Variants in PTPRD observed in about 807,000 individuals in gnomAD.
PTPRD encodes the protein protein tyrosine phosphatase receptor type D, also known as receptor-type tyrosine-protein phosphatase delta.
Under a neutral mutation model 214.5 loss-of-function variants are expected in PTPRD, and 34 were observed. The ratio of observed to expected loss-of-function variants is 0.16; its 90% confidence interval spans 0.12 to 0.21. The LOEUF is 0.21. Ranked by LOEUF, PTPRD falls within the 10% of genes least tolerant of loss-of-function variation. PTPRD has a pLI of 1.00. For missense variants in PTPRD, 2,545 were observed against 2,398.7 expected, an observed-to-expected ratio of 1.06 and a Z score of -1.27; for synonymous variants, 1,128 against 845.7, an observed-to-expected ratio of 1.33 and a Z score of -5.79.
intron 3 of PTPRD, among the ~76,000 whole-genome samples, chr9:10,288,791 G>A (rs1195789784): frequency 6.8e-6 from 1 of 146,950 alleles, no homozygotes; most frequent in Non-Finnish European, 1.5e-5. Flanking sequence ...GCCCAGATTA[G>A]AATTGGAAAA....
intron 9 of PTPRD, among the ~76,000 whole-genome samples, chr9:9,217,512 C>T (rs534442966): frequency 3.3e-5 from 5 of 152,128 alleles, no homozygotes; most frequent in Non-Finnish European, 4.4e-5. Flanking sequence ...GCACAACCAG[C>T]ATCCTCTCAT....
chr9:10,301,237 C>T (rs571201714), intron 3 of PTPRD, among the ~76,000 whole-genome samples: 30 of 152,190 alleles, frequency 2.0e-4, no homozygotes, highest in East Asian at 9.7e-4. Context: ...ACAAAAGGGA[C>T]GTCCACTCAG....
At chr9:8,609,989 C>T (rs1212893713) in intron 14 of PTPRD, among the ~76,000 whole-genome samples, 1 of 152,176 alleles carries the variant, frequency 6.6e-6, no homozygotes, top group African/African-American at 2.4e-5. Context: ...CACTGTAGCT[C>T]AGGCTCCCTA....
intron 35 of PTPRD, among the ~76,000 whole-genome samples, chr9:8,417,654 T>G (rs1204167964): frequency 6.6e-6 from 1 of 152,132 alleles, no homozygotes; most frequent in Non-Finnish European, 1.5e-5. Flanking sequence ...AGTATAGCAG[T>G]TGTCATCCTG....
chr9:10,599,173 G>C (rs924284349), intron 2 of PTPRD, among the ~76,000 whole-genome samples: 6 of 151,590 alleles, frequency 4.0e-5, no homozygotes, highest in African/African-American at 1.5e-4. Flanking sequence ...CATTCCCTAG[G>C]TGATGATCGA....
intron 9 of PTPRD, among the ~76,000 whole-genome samples, chr9:9,309,342 C>CAA (rs143235291): frequency 6.0e-5 from 9 of 150,606 alleles, no homozygotes; most frequent in Non-Finnish European, 1.2e-4. Flanking sequence ...AAACCAACAA[C>CAA]AAAAAAAACA....
At position 8,993,308 on chromosome 9, in the gene PTPRD, T is replaced by C. The variant is rs530723573; in HGVS notation, c.-104+25389A>G. 2.6e-5 allele frequency among the ~76,000 whole-genome samples: 4 copies of C among 152,232 alleles called. No homozygotes were observed. In the South Asian group the frequency reaches 8.3e-4, roughly 32 times the overall value. On this transcript the variant is annotated intron_variant, in intron 11 of 45. Coordinates refer to ENST00000381196, the MANE Select transcript of PTPRD (RefSeq NM_002839.4). ...AGAATGAGTTTAATAACAGTATCTA[T>C]CTCTTACTGTTGTTTTGGAAATTTA...
chr9:9,364,329 C>T (rs565562694), intron 9 of PTPRD, among the ~76,000 whole-genome samples: 1 of 151,340 alleles, frequency 6.6e-6, no homozygotes, highest in Non-Finnish European at 1.5e-5. Context: ...AGAATTTTCC[C>T]CCGAAGTGCT....
chr9:10,245,305 G>A (rs1220199958), intron 3 of PTPRD, among the ~76,000 whole-genome samples: 2 of 152,044 alleles, frequency 1.3e-5, no homozygotes, highest in African/African-American at 2.4e-5. Context: ...AGTAACCTGA[G>A]GTTATAAGGT....
At position 10,108,623 on chromosome 9, in the gene PTPRD, C is replaced by CA. The variant is rs539666772; in HGVS notation, c.-544-74834dup. On this transcript the variant is annotated intron_variant, in intron 3 of 45. Coordinates refer to ENST00000381196, the MANE Select transcript of PTPRD (RefSeq NM_002839.4). ...GCAATCCTACTGCTGGGTATTTATCCAAAAAAATATAAAATCAATATGTTG... is the reference window on the plus strand; with the variant it reads ...GCAATCCTACTGCTGGGTATTTATCCAAAAAAAATATAAAATCAATATGTTG... Among the ~76,000 whole-genome samples, 798 of 151,764 alleles carry CA rather than the reference C, an allele frequency of 5.3e-3. 12 individuals are homozygous for CA. Among genetic ancestry groups the CA allele is most frequent in the African/African-American group, 0.019 (771 of 41,364 alleles).
At chr9:9,829,332 A>C (rs1052785444) in intron 5 of PTPRD, among the ~76,000 whole-genome samples, 1 of 151,824 alleles carries the variant, frequency 6.6e-6, no homozygotes, top group Non-Finnish European at 1.5e-5. Flanking sequence ...ATCTGTGATA[A>C]ATATATCAAA....
In PTPRD at chr9:10,073,053, G is replaced by T. The variant is rs191862115; in HGVS notation, c.-544-39263C>A. 5.9e-5 allele frequency among the ~76,000 whole-genome samples: 9 copies of T among 152,158 alleles called. No homozygotes were observed. The East Asian group carries it at 1.7e-3, about 29-fold the overall frequency. ...TCGATTAATACATTTTGCTAAGTGA[G>T]CCAAACCAGTCCAAAATGGTGACAG... On this transcript the variant is annotated intron_variant, in intron 3 of 45. Transcript: ENST00000381196.
intron 9 of PTPRD, among the ~76,000 whole-genome samples, chr9:9,258,310 A>G (rs1436508983): frequency 1.3e-5 from 2 of 151,972 alleles, no homozygotes; most frequent in African/African-American, 4.8e-5. Context: ...AATTTGCAGT[A>G]GTAGATTATG....
At chr9:8,730,630 G>A (rs2098646986) in intron 12 of PTPRD, among the ~76,000 whole-genome samples, 1 of 152,204 alleles carries the variant, frequency 6.6e-6, no homozygotes, top group African/African-American at 2.4e-5. Context: ...TTTAAAGACT[G>A]GTAAATAGCA....
At chr9:8,971,380 T>C (rs2099237396) in intron 11 of PTPRD, among the ~76,000 whole-genome samples, 2 of 151,782 alleles carry the variant, frequency 1.3e-5, no homozygotes, top group Non-Finnish European at 1.5e-5. Context: ...GTCAATATAA[T>C]ACAGTGGTTA....
chr9:8,774,046 C>T (rs544686833), intron 11 of PTPRD, among the ~76,000 whole-genome samples: 1 of 152,278 alleles, frequency 6.6e-6, no homozygotes, highest in African/African-American at 2.4e-5. Flanking sequence ...TCTCCTGTTA[C>T]AGTGCCCATT....
At chr9:9,759,162 A>G (rs2098625101) in intron 6 of PTPRD, among the ~76,000 whole-genome samples, 2 of 152,244 alleles carry the variant, frequency 1.3e-5, no homozygotes, top group South Asian at 4.1e-4. Context: ...CTCCTTTTTC[A>G]CAGTAAATCT....
intron 11 of PTPRD, among the ~76,000 whole-genome samples, chr9:8,745,341 T>A (rs150445696): frequency 2.4e-4 from 36 of 152,332 alleles, no homozygotes; most frequent in African/African-American, 8.4e-4. Flanking sequence ...GCTGAGGCGA[T>A]GTCATGATTA....
At chr9:8,710,345 G>C (rs774477660) in intron 12 of PTPRD, among the ~76,000 whole-genome samples, 18 of 152,082 alleles carry the variant, frequency 1.2e-4, no homozygotes, top group Non-Finnish European at 2.2e-4. Flanking sequence ...GGCCATGCAG[G>C]GTGGCTTATG....
Sources: allele counts gnomAD v4.1 joint callset (sites outside exome capture counted in the v4.1 genomes callset), GRCh38; gene constraint gnomAD v4.1.1; transcripts MANE v1.5; gene names NCBI Gene and HGNC (gene_info 2026-07-23, HGNC 2026-07-21).